COL19A1: variants seen among roughly 807,000 people sequenced by gnomAD.
COL19A1 encodes the protein collagen type XIX alpha 1 chain, also known as collagen alpha-1(XIX) chain.
COL19A1 carries 159 observed loss-of-function variants against 190.2 expected under a neutral mutation model. That is an observed-to-expected ratio of 0.84 (90% CI 0.73 to 0.95). The LOEUF (loss-of-function observed/expected upper bound fraction) is 0.95, where lower values mean the gene tolerates loss of function less well. Among genes scored for constraint, COL19A1 ranks in the 40% least tolerant of loss-of-function variants. COL19A1 has a pLI of 0.00. For missense variants in COL19A1, 1,418 were observed against 1,431.9 expected, an observed-to-expected ratio of 0.99 and a Z score of 0.16; for synonymous variants, 509 against 458.9, an observed-to-expected ratio of 1.11 and a Z score of -1.39.
In COL19A1 at chr6:69,879,441, A is replaced by C; in HGVS notation, c.-32-95A>C. ...CTGTTATATGATGATATATGATGTAACGTTGATTGGTTTTGCTTTGGTAAC... is the reference window on the plus strand; with the variant it reads ...CTGTTATATGATGATATATGATGTACCGTTGATTGGTTTTGCTTTGGTAAC... On this transcript the variant is annotated intron_variant, in intron 1 of 50. Transcript: ENST00000620364. The C allele has an allele frequency of 4.5e-6, 3 of 667,400 alleles. No homozygotes were observed. In the South Asian group the frequency reaches 5.4e-5, roughly 12 times the overall value. 41.3% of individuals were successfully genotyped at this position (667,400 alleles called of 1,614,324 possible). A position where few individuals can be genotyped will look rare whatever the true frequency, so the allele number is the denominator to read the frequency against.
intron 11 of COL19A1, among the ~76,000 whole-genome samples, chr6:70,006,456 T>C (rs1175479429): frequency 6.6e-6 from 1 of 152,150 alleles, no homozygotes; most frequent in African/African-American, 2.4e-5. Context: ...TTCCTCTCTA[T>C]GGATCATGCC....
intron 10 of COL19A1, among the ~76,000 whole-genome samples, chr6:69,961,245 C>T (rs913859731): frequency 1.3e-5 from 2 of 152,242 alleles, no homozygotes; most frequent in Non-Finnish European, 1.5e-5. Flanking sequence ...AAGATATGCA[C>T]TTATTTATAG....
chr6:70,184,791 T>C (rs892651580), intron 45 of COL19A1, 53 bp downstream of exon 45: 2 of 1,603,234 alleles, frequency 1.2e-6, no homozygotes, highest in Non-Finnish European at 1.7e-6. Context: ...GCATCCAGAA[T>C]ACCTACCAAC....
At chr6:69,892,543 A>G (rs572419824) in intron 2 of COL19A1, among the ~76,000 whole-genome samples, 140 of 152,304 alleles carry the variant, frequency 9.2e-4, no homozygotes, top group African/African-American at 3.2e-3. Flanking sequence ...TTATTTTTAC[A>G]TAGGTTTTTT....
intron 11 of COL19A1, among the ~76,000 whole-genome samples, chr6:70,022,888 A>G (rs750918126): frequency 2.6e-5 from 4 of 152,132 alleles, no homozygotes; most frequent in Non-Finnish European, 5.9e-5. Context: ...TATAAATAGC[A>G]TTACACTCTA....
intron 16 of COL19A1, among the ~76,000 whole-genome samples, chr6:70,118,456 G>A (rs1448852805): frequency 6.6e-6 from 1 of 152,106 alleles, no homozygotes; most frequent in African/African-American, 2.4e-5. Context: ...GTCTCTGAAG[G>A]GTTCCTTCGG....
intron 9 of COL19A1, among the ~76,000 whole-genome samples, chr6:69,950,674 C>CCACA (rs56757599): frequency 0.014 from 1,886 of 136,190 alleles, 16 homozygotes; most frequent in East Asian, 0.039. Flanking sequence ...ATGAATGCAG[C>CCACA]CACACACACA....
intron 8 of COL19A1, 106 bp downstream of exon 8, chr6:69,937,016 G>A: frequency 1.4e-6 from 2 of 1,459,890 alleles, no homozygotes; most frequent in Non-Finnish European, 1.8e-6. Flanking sequence ...TTCAGTGTTT[G>A]TTGAAGTAAA....
At chr6:70,197,927 A>G (rs2150304894) in intron 48 of COL19A1, among the ~76,000 whole-genome samples, 1 of 152,342 alleles carries the variant, frequency 6.6e-6, no homozygotes, top group South Asian at 2.1e-4. Context: ...TAATAATTCT[A>G]TATGAAAAAA....
intron 11 of COL19A1, chr6:69,973,883 A>G (rs1242003380): frequency 6.6e-6 from 1 of 152,224 alleles, no homozygotes; most frequent in Non-Finnish European, 1.5e-5. Flanking sequence ...TGTAAAAGCA[A>G]TTCACTGTAT....
chr6:70,106,217 T>C (rs1290633572), intron 16 of COL19A1, among the ~76,000 whole-genome samples: 1 of 152,064 alleles, frequency 6.6e-6, no homozygotes, highest in Admixed American at 6.6e-5. Flanking sequence ...TCCTTCTACT[T>C]GATTATTTGT....
chr6:69,934,658 G>T lies in COL19A1; in HGVS notation c.747+1795G>T, dbSNP rs181696459. Among the ~76,000 whole-genome samples, 3 of 151,892 alleles carry T rather than the reference G, an allele frequency of 2.0e-5. No homozygotes were observed. The East Asian group carries it at 5.8e-4, about 29-fold the overall frequency. ...AAATCATATTTTGAAAAGATTATTT[G>T]GGAGTTAGTTTTAAAGAATAGAACA... On this transcript the variant is annotated intron_variant, in intron 7 of 50. Coordinates refer to ENST00000620364, the MANE Select transcript of COL19A1 (RefSeq NM_001858.6).
intron 4 of COL19A1, among the ~76,000 whole-genome samples, chr6:69,903,697 T>C (rs1770335867): frequency 6.6e-6 from 1 of 152,200 alleles, no homozygotes; most frequent in South Asian, 2.1e-4. Flanking sequence ...CCTACTGATA[T>C]TCTCAGGTGC....
intron 14 of COL19A1, among the ~76,000 whole-genome samples, chr6:70,061,051 A>G (rs1562130825): frequency 6.6e-6 from 1 of 152,152 alleles, no homozygotes; most frequent in African/African-American, 2.4e-5. Flanking sequence ...GAGGTTAAGT[A>G]TGTCTGTAAT....
At chr6:70,003,654 G>A (rs116306252) in intron 11 of COL19A1, among the ~76,000 whole-genome samples, 2,095 of 149,332 alleles carry the variant, frequency 0.014, 41 homozygotes, top group East Asian at 0.07. Context: ...TTTTTTAATC[G>A]TAGTTGGTTT....
chr6:69,967,827 T>G (rs1191882585), intron 11 of COL19A1, among the ~76,000 whole-genome samples: 1 of 152,204 alleles, frequency 6.6e-6, no homozygotes, highest in Non-Finnish European at 1.5e-5. Flanking sequence ...ACCCGTATTC[T>G]TAGTTGATTT....
chr6:69,975,191 G>C (rs1775648648), intron 11 of COL19A1, among the ~76,000 whole-genome samples: 3 of 152,184 alleles, frequency 2.0e-5, no homozygotes, highest in South Asian at 2.1e-4. Context: ...TCAGTTTTGA[G>C]CAAGTGTTTC....
At chr6:70,034,917 C>G (rs1216377254) in intron 13 of COL19A1, among the ~76,000 whole-genome samples, 1 of 152,130 alleles carries the variant, frequency 6.6e-6, no homozygotes, top group African/African-American at 2.4e-5. Context: ...ATATTTATCT[C>G]TGTGTTAAAG....
chr6:70,094,800 A>G (rs970011560), intron 15 of COL19A1, among the ~76,000 whole-genome samples: 5 of 152,130 alleles, frequency 3.3e-5, no homozygotes, highest in African/African-American at 1.2e-4. Context: ...TCTTGCTGTT[A>G]ATAGTGACCC....
Sources: allele counts gnomAD v4.1 joint callset (sites outside exome capture counted in the v4.1 genomes callset), GRCh38; gene constraint gnomAD v4.1.1; transcripts MANE v1.5; gene names NCBI Gene and HGNC (gene_info 2026-07-23, HGNC 2026-07-21).